Variants in RELN observed in about 807,000 individuals in gnomAD.
RELN encodes reelin.
A neutral mutation model predicts 427.6 loss-of-function variants in RELN; 108 were observed. The ratio of observed to expected loss-of-function variants is 0.25; its 90% confidence interval spans 0.22 to 0.30. The LOEUF (loss-of-function observed/expected upper bound fraction) is 0.30. Among genes scored for constraint, RELN ranks in the 10% least tolerant of loss-of-function variants. The pLI, the probability that RELN is intolerant of heterozygous loss-of-function variation, is 1.00. For synonymous variants in RELN, 1,524 were observed against 1,513.4 expected, an observed-to-expected ratio of 1.01 and a Z score of -0.16; for missense variants, 3,715 against 4,302.8, an observed-to-expected ratio of 0.86 and a Z score of 3.82.
At position 103,472,492 on chromosome 7, in the gene RELN, C is replaced by A. The variant is rs544904056; in HGVS notation, c.*320G>T. 1.8e-5 allele frequency: 6 copies of A among 341,172 alleles called. No homozygotes were observed. The highest frequency in any genetic ancestry group is 8.5e-5 in the African/African-American group (4 of 47,236). The allele number at this position is 341,172 out of a possible 1,614,324, so 21.1% of individuals were successfully genotyped here. Reference sequence around the variant, plus strand: ...CTAAATGCCATTTTAAACATAAAATCTCTTAAATTTTTTGTGCTTAAATTT... The same window carrying A: ...CTAAATGCCATTTTAAACATAAAATATCTTAAATTTTTTGTGCTTAAATTT... On this transcript the variant is annotated 3_prime_UTR_variant, in exon 65 of 65. Transcript: ENST00000428762.
intron 46 of RELN, among the ~76,000 whole-genome samples, chr7:103,526,721 G>A (rs1584265452): frequency 6.6e-6 from 1 of 152,174 alleles, no homozygotes; most frequent in African/African-American, 2.4e-5. Flanking sequence ...ATGTTTATGT[G>A]CTGATGCTTC....
intron 1 of RELN, among the ~76,000 whole-genome samples, chr7:103,919,901 A>G (rs1240169086): frequency 6.6e-6 from 1 of 152,208 alleles, no homozygotes; most frequent in Non-Finnish European, 1.5e-5. Context: ...TTGTGAATGT[A>G]AAATTATTTA....
chr7:103,570,620 A>G (rs1830860588), intron 31 of RELN, among the ~76,000 whole-genome samples: 1 of 152,196 alleles, frequency 6.6e-6, no homozygotes, highest in South Asian at 2.1e-4. Flanking sequence ...TTAGTGCCCC[A>G]CTGGTTCTTC....
intron 6 of RELN, among the ~76,000 whole-genome samples, chr7:103,742,277 A>G (rs1402698127): frequency 6.6e-6 from 1 of 152,180 alleles, no homozygotes; most frequent in Non-Finnish European, 1.5e-5. Context: ...CGTCACCATC[A>G]TCAAAGACCA....
intron 28 of RELN, among the ~76,000 whole-genome samples, chr7:103,579,295 A>C (rs534791756): frequency 6.6e-6 from 1 of 152,270 alleles, no homozygotes; most frequent in East Asian, 1.9e-4. Flanking sequence ...ATCTTATGTA[A>C]TTTTATTAGA....
At chr7:103,893,408 C>A (rs1166134479) in intron 2 of RELN, among the ~76,000 whole-genome samples, 2 of 152,090 alleles carry the variant, frequency 1.3e-5, no homozygotes, top group African/African-American at 2.4e-5. Context: ...TAGAAAAACA[C>A]AAAACTGCAT....
chr7:103,960,751 T>C (rs1796535881), intron 1 of RELN, among the ~76,000 whole-genome samples: 1 of 152,234 alleles, frequency 6.6e-6, no homozygotes, highest in African/African-American at 2.4e-5. Flanking sequence ...ATTTATTTGC[T>C]GTGAGGATGC....
intron 48 of RELN, among the ~76,000 whole-genome samples, chr7:103,521,375 A>T (rs1201056226): frequency 6.6e-6 from 1 of 152,240 alleles, no homozygotes; most frequent in Non-Finnish European, 1.5e-5. Flanking sequence ...AAGTAGAGTG[A>T]CTATAAAATT....
At chr7:103,706,109 T>C (rs961903156) in intron 8 of RELN, among the ~76,000 whole-genome samples, 1 of 152,094 alleles carries the variant, frequency 6.6e-6, no homozygotes, top group African/African-American at 2.4e-5. Context: ...TTACTGGACA[T>C]GCTATAAATT....
At chr7:103,787,958 C>T (rs1197626137) in intron 3 of RELN, among the ~76,000 whole-genome samples, 7 of 152,092 alleles carry the variant, frequency 4.6e-5, no homozygotes, top group African/African-American at 1.7e-4. Flanking sequence ...AAACCGAATC[C>T]AGCAGCACAT....
intron 2 of RELN, among the ~76,000 whole-genome samples, chr7:103,854,537 A>G (rs996126679): frequency 6.6e-6 from 1 of 152,198 alleles, no homozygotes; most frequent in Non-Finnish European, 1.5e-5. Context: ...TAGAGACTTC[A>G]TCAGGTCAGG....
intron 2 of RELN, among the ~76,000 whole-genome samples, chr7:103,900,705 G>A (rs1795065000): frequency 6.6e-6 from 1 of 152,066 alleles, no homozygotes; most frequent in Admixed American, 6.6e-5. Context: ...CCAACCATCT[G>A]ATCTTTGACG....
intron 4 of RELN, among the ~76,000 whole-genome samples, chr7:103,756,253 G>A (rs1338433778): frequency 2.6e-5 from 4 of 152,158 alleles, no homozygotes; most frequent in Non-Finnish European, 5.9e-5. Flanking sequence ...ACAATCAGCA[G>A]GAGAGGGCCA....
chr7:103,749,485 G>T lies in RELN; in HGVS notation c.597C>A (p.Ser199Arg), dbSNP rs1304511346. The change falls in exon 6 of 65, where the codon AGC becomes AGA. Residue 199 changes from serine (S) to arginine (R), a missense_variant. Transcript: ENST00000428762. ...AGTCAAAGTCATCTCTCAGGATAAT[G>T]CTGTCACTATGTATTTCAGCTAAAA... ...HPHLAEIHSD[S>R]IILRDDFDSY... 6.2e-7 allele frequency: 1 copy of T among 1,612,064 alleles called. No individual in the cohort carries two copies. Among genetic ancestry groups the T allele is most frequent in the Non-Finnish European group, 8.5e-7 (1 of 1,178,222 alleles).
intron 1 of RELN, among the ~76,000 whole-genome samples, chr7:103,981,342 C>G (rs994596114): frequency 6.6e-6 from 1 of 152,162 alleles, no homozygotes; most frequent in African/African-American, 2.4e-5. Context: ...GTTACCTTCT[C>G]AAAGCATAAT....
At chr7:103,487,626 G>A (rs1828491261) in intron 60 of RELN, among the ~76,000 whole-genome samples, 1 of 152,152 alleles carries the variant, frequency 6.6e-6, no homozygotes, top group African/African-American at 2.4e-5. Context: ...TAAAACTGTT[G>A]TTTAAATACC....
In RELN at chr7:103,587,919, C is replaced by T. The variant is rs544648525; in HGVS notation, c.4145+1677G>A. On this transcript the variant is annotated intron_variant, in intron 28 of 64. Coordinates refer to ENST00000428762, the MANE Select transcript of RELN (RefSeq NM_005045.4). ...TGGTGAGGATATGAAGAAAAGGGAA[C>T]TCTTATATACTGTTGGTGGGAATGT... Among the ~76,000 whole-genome samples, 46 of 152,218 alleles carry T rather than the reference C, an allele frequency of 3.0e-4. 2 individuals carry two copies. The highest frequency in any genetic ancestry group is 1.0e-4 in the Non-Finnish European group (7 of 68,000).
intron 52 of RELN, among the ~76,000 whole-genome samples, 157 bp from the exon 53 acceptor site, chr7:103,501,079 T>A (rs967147076): frequency 6.6e-6 from 1 of 152,258 alleles, no homozygotes; most frequent in African/African-American, 2.4e-5. Flanking sequence ...ACCACTCTTA[T>A]CTTTCTAGTA....
At chr7:103,890,517 G>A (rs1794823775) in intron 2 of RELN, among the ~76,000 whole-genome samples, 1 of 151,382 alleles carries the variant, frequency 6.6e-6, no homozygotes. Context: ...TACTCCTTAC[G>A]AGACTCGAAC....
Sources: allele counts gnomAD v4.1 joint callset (sites outside exome capture counted in the v4.1 genomes callset), GRCh38; gene constraint gnomAD v4.1.1; transcripts MANE v1.5; gene names NCBI Gene and HGNC (gene_info 2026-07-23, HGNC 2026-07-21).